Variants in UNC5D observed in about 807,000 individuals in gnomAD.
UNC5D encodes the protein netrin receptor UNC5D.
A neutral mutation model predicts 105.4 loss-of-function variants in UNC5D; 39 were observed. That is an observed-to-expected ratio of 0.37 (90% CI 0.29 to 0.48). The LOEUF (loss-of-function observed/expected upper bound fraction) is 0.48. UNC5D is among the 20% of genes least tolerant of loss of function. UNC5D has a pLI of 0.98. For synonymous variants in UNC5D, 452 were observed against 450.4 expected (o/e 1.00, Z -0.04); for missense variants, 991 against 1,202.4 (o/e 0.82, Z 2.60).
At chr8:35,672,221 A>AAGAT (rs890618385) in intron 4 of UNC5D, among the ~76,000 whole-genome samples, 8 of 152,176 alleles carry the variant, frequency 5.3e-5, no homozygotes, top group African/African-American at 1.7e-4. Context: ...TCAGCACTTG[A>AAGAT]AGATATATTA....
intron 8 of UNC5D, among the ~76,000 whole-genome samples, chr8:35,719,852 C>T (rs999334056): frequency 2.6e-5 from 4 of 151,872 alleles, no homozygotes; most frequent in Admixed American, 6.6e-5. Context: ...AGCCAGTGCT[C>T]GCCATGCACT....
At chr8:35,619,433 G>A (rs1821220775) in intron 4 of UNC5D, among the ~76,000 whole-genome samples, 1 of 152,160 alleles carries the variant, frequency 6.6e-6, no homozygotes, top group African/African-American at 2.4e-5. Flanking sequence ...AATCACTGAA[G>A]CAGAGACTCT....
At chr8:35,583,184 T>G (rs1818564431) in intron 3 of UNC5D, among the ~76,000 whole-genome samples, 1 of 152,136 alleles carries the variant, frequency 6.6e-6, no homozygotes, top group Admixed American at 6.6e-5. Flanking sequence ...AGACCCCATC[T>G]CTACAAAAAC....
At position 35,684,491 on chromosome 8, in the gene UNC5D, T is replaced by C. The variant is rs890946822; in HGVS notation, c.752-91T>C. 4 of 1,484,824 alleles carry C rather than the reference T, an allele frequency of 2.7e-6. No homozygotes were observed. In the African/African-American group the frequency reaches 4.2e-5, roughly 16 times the overall value. 92.0% of individuals were successfully genotyped at this position (1,484,824 alleles called of 1,614,324 possible). On this transcript the variant is annotated intron_variant, in intron 5 of 16. Coordinates refer to ENST00000404895, the MANE Select transcript of UNC5D (RefSeq NM_080872.4). ...GTCTCTCGGTCCCTGGATGCCTGAC[T>C]CACAGCACCTGGCACAGTGGCTTGC...
chr8:35,637,265 T>A (rs1295959387), intron 4 of UNC5D, among the ~76,000 whole-genome samples: 1 of 152,206 alleles, frequency 6.6e-6, no homozygotes, highest in Non-Finnish European at 1.5e-5. Context: ...ACACTTTTCC[T>A]TTGTGATAGG....
At chr8:35,432,220 T>C (rs1433400530) in intron 1 of UNC5D, among the ~76,000 whole-genome samples, 5 of 152,186 alleles carry the variant, frequency 3.3e-5, no homozygotes, top group Admixed American at 2.6e-4. Context: ...CAAACAACTT[T>C]AGCTGGGGAA....
intron 4 of UNC5D, among the ~76,000 whole-genome samples, chr8:35,612,897 C>T (rs2130989096): frequency 6.6e-6 from 1 of 152,178 alleles, no homozygotes; most frequent in East Asian, 1.9e-4. Flanking sequence ...AGAAGCCCAA[C>T]AAATGCCTTT....
intron 1 of UNC5D, among the ~76,000 whole-genome samples, chr8:35,520,986 A>G (rs1336896184): frequency 6.6e-6 from 1 of 152,150 alleles, no homozygotes; most frequent in Non-Finnish European, 1.5e-5. Flanking sequence ...AGATGGAGCA[A>G]TTGACATTAG....
At position 35,795,929 on chromosome 8, in the gene UNC5D, A is replaced by C. The variant is rs760860520; in HGVS notation, c.*5366A>C. 19 of 152,186 alleles carry C rather than the reference A, an allele frequency of 1.2e-4. No homozygotes were observed. The highest frequency in any genetic ancestry group is 2.6e-4 in the Non-Finnish European group (18 of 68,034). 9.4% of individuals were successfully genotyped at this position (152,186 alleles called of 1,614,324 possible). A position where few individuals can be genotyped will look rare whatever the true frequency, so the allele number is the denominator to read the frequency against. ...TAAGCATTTAAAGGAAAACTGGCTC[A>C]TTCTTCTGACCCAAACTCAAAAAAT... On this transcript the variant is annotated 3_prime_UTR_variant, in exon 17 of 17. Coordinates refer to ENST00000404895, the MANE Select transcript of UNC5D (RefSeq NM_080872.4).
chr8:35,668,803 AG>A (rs1473028501), intron 4 of UNC5D, among the ~76,000 whole-genome samples: 1 of 152,174 alleles, frequency 6.6e-6, no homozygotes, highest in Admixed American at 6.6e-5. Flanking sequence ...ACACTGTGGA[AG>A]GAGCTTCTTG....
intron 4 of UNC5D, among the ~76,000 whole-genome samples, chr8:35,617,022 G>T (rs1653110607): frequency 6.6e-6 from 1 of 152,178 alleles, no homozygotes; most frequent in Non-Finnish European, 1.5e-5. Context: ...CATGAATCAA[G>T]AACTCATCCC....
intron 4 of UNC5D, among the ~76,000 whole-genome samples, chr8:35,615,288 C>T (rs1283409971): frequency 1.3e-5 from 2 of 152,128 alleles, no homozygotes; most frequent in Admixed American, 6.5e-5. Context: ...CCTGTCAGCT[C>T]TACATTATCA....
chr8:35,379,627 G>A (rs1802902068), intron 1 of UNC5D, among the ~76,000 whole-genome samples: 1 of 151,990 alleles, frequency 6.6e-6, no homozygotes, highest in East Asian at 1.9e-4. Context: ...GTGTTCCTAT[G>A]GACCTATCCC....
chr8:35,455,544 G>T (rs888929600), intron 1 of UNC5D, among the ~76,000 whole-genome samples: 2 of 151,962 alleles, frequency 1.3e-5, no homozygotes, highest in African/African-American at 4.8e-5. Context: ...CTCCCAAAGT[G>T]CTGGGATTAC....
intron 1 of UNC5D, among the ~76,000 whole-genome samples, chr8:35,377,888 T>G (rs1399478272): frequency 6.6e-6 from 1 of 152,190 alleles, no homozygotes; most frequent in Non-Finnish European, 1.5e-5. Flanking sequence ...TCTATGTCCT[T>G]TATTTCTGTT....
At chr8:35,372,471 T>A (rs1330016739) in intron 1 of UNC5D, among the ~76,000 whole-genome samples, 1 of 152,052 alleles carries the variant, frequency 6.6e-6, no homozygotes, top group Non-Finnish European at 1.5e-5. Context: ...TTTTGGGGGG[T>A]TATGATACTT....
chr8:35,470,103 A>G (rs1338343032), intron 1 of UNC5D, among the ~76,000 whole-genome samples: 1 of 152,194 alleles, frequency 6.6e-6, no homozygotes, highest in Non-Finnish European at 1.5e-5. Flanking sequence ...ATGAACAAAC[A>G]TTCAGCCAGG....
chr8:35,698,457 C>CTCTG (rs1468082113), intron 7 of UNC5D, among the ~76,000 whole-genome samples: 1 of 151,752 alleles, frequency 6.6e-6, no homozygotes, highest in Non-Finnish European at 1.5e-5. Flanking sequence ...CCATTCTACT[C>CTCTG]TCTGTCTCTA....
chr8:35,636,449 T>A lies in UNC5D; in HGVS notation c.570+40792T>A, dbSNP rs533599357. Among the ~76,000 whole-genome samples the A allele has an allele frequency of 4.6e-5, 7 of 152,342 alleles. No homozygotes were observed. The South Asian group carries it at 1.2e-3, about 27-fold the overall frequency. On this transcript the variant is annotated intron_variant, in intron 4 of 16. Coordinates refer to ENST00000404895, the MANE Select transcript of UNC5D (RefSeq NM_080872.4). ...CCCTGAGCTGTACCCACTGGGTGCCTGTAGAACTCCCTGATGCCCCTTTAG... is the reference window on the plus strand; with the variant it reads ...CCCTGAGCTGTACCCACTGGGTGCCAGTAGAACTCCCTGATGCCCCTTTAG...
Sources: allele counts gnomAD v4.1 joint callset (sites outside exome capture counted in the v4.1 genomes callset), GRCh38; gene constraint gnomAD v4.1.1; transcripts MANE v1.5; gene names NCBI Gene and HGNC (gene_info 2026-07-23, HGNC 2026-07-21).